The following AK5 variants were observed in gnomAD, a reference collection of about 807,000 sequenced individuals.
The protein encoded by AK5 is adenylate kinase 5.
Under a neutral mutation model 69.5 loss-of-function variants are expected in AK5, and 27 were observed. That is an observed-to-expected ratio of 0.39 (90% CI 0.29 to 0.54). AK5 has a LOEUF of 0.54. Ranked by LOEUF, AK5 falls within the 20% of genes least tolerant of loss-of-function variation. AK5 has a pLI of 0.71. For missense variants in AK5, 531 were observed against 700.4 expected (o/e 0.76, Z 2.73); for synonymous variants, 260 against 244.4 (o/e 1.06, Z -0.60).
intron 6 of AK5, among the ~76,000 whole-genome samples, chr1:77,396,907 A>G (rs1296726990): frequency 1.3e-5 from 2 of 152,226 alleles, no homozygotes; most frequent in South Asian, 2.1e-4. Flanking sequence ...ATTACCTAGC[A>G]TATATAGTAA....
intron 8 of AK5, 25 bp downstream of exon 8, chr1:77,417,740 T>C: frequency 7.2e-7 from 1 of 1,393,408 alleles, no homozygotes; most frequent in South Asian, 1.2e-5. Context: ...AAAATAGTTC[T>C]CTATTTAAAT....
intron 8 of AK5, among the ~76,000 whole-genome samples, chr1:77,447,614 A>G (rs1485860010): frequency 6.6e-6 from 1 of 152,360 alleles, no homozygotes; most frequent in East Asian, 1.9e-4. Flanking sequence ...TGGCTTCTCT[A>G]ACATCTTATT....
chr1:77,399,285 C>T lies in AK5; in HGVS notation c.892-11696C>T, dbSNP rs568474482. Among the ~76,000 whole-genome samples, 17 of 152,292 alleles carry T rather than the reference C, an allele frequency of 1.1e-4. No homozygotes were observed. In the South Asian group the frequency reaches 3.5e-3, roughly 32 times the overall value. ...TAGACAATCGGCCACTGCAGCCACC[C>T]TCCCTTCAGCTAAAGAATTGTTCCG... On this transcript the variant is annotated intron_variant, in intron 6 of 13. Coordinates refer to ENST00000354567, the MANE Select transcript of AK5 (RefSeq NM_174858.3).
chr1:77,379,904 G>T (rs186558433), intron 6 of AK5, among the ~76,000 whole-genome samples: 1 of 152,238 alleles, frequency 6.6e-6, no homozygotes, highest in East Asian at 1.9e-4. Context: ...AGCCAATGGG[G>T]TCTAAAACAT....
At chr1:77,486,675 T>A (rs1023320523) in intron 10 of AK5, among the ~76,000 whole-genome samples, 2 of 148,208 alleles carry the variant, frequency 1.3e-5, no homozygotes, top group Admixed American at 1.4e-4. Context: ...TCCACCTGGG[T>A]GACAGAGCAA....
intron 8 of AK5, among the ~76,000 whole-genome samples, chr1:77,441,849 T>G (rs1652347742): frequency 1.3e-5 from 2 of 151,932 alleles, no homozygotes; most frequent in Non-Finnish European, 1.5e-5. Context: ...ATTGTGACAC[T>G]TGGGTATTGG....
chr1:77,479,546 TC>T (rs1259121151), intron 8 of AK5, among the ~76,000 whole-genome samples: 1 of 152,154 alleles, frequency 6.6e-6, no homozygotes, highest in African/African-American at 2.4e-5. Flanking sequence ...CTGCAGCTTC[TC>T]CCACCTTAAC....
At chr1:77,503,177 G>A (rs1656826416) in intron 10 of AK5, among the ~76,000 whole-genome samples, 1 of 152,194 alleles carries the variant, frequency 6.6e-6, no homozygotes, top group Non-Finnish European at 1.5e-5. Flanking sequence ...ATTGCTGAGA[G>A]TTAACATTGT....
At chr1:77,514,620 C>T (rs1167909739) in intron 10 of AK5, among the ~76,000 whole-genome samples, 2 of 152,144 alleles carry the variant, frequency 1.3e-5, no homozygotes, top group Non-Finnish European at 2.9e-5. Flanking sequence ...CGCCATTTGG[C>T]CAAAGAATGC....
rs767860288 is a variant in AK5 at position 77,340,328 on chromosome 1, C to T, written c.700-49C>T. 8.5e-6 allele frequency: 13 copies of T among 1,530,312 alleles called. No individual in the cohort carries two copies. The Admixed American group carries it at 1.6e-4, about 19-fold the overall frequency. The allele number at this position is 1,530,312 out of a possible 1,614,324, so 94.8% of individuals were successfully genotyped here. On this transcript the variant is annotated intron_variant, in intron 5 of 13. Transcript: ENST00000354567. ...AAATGAATGCAGCTGCCCACACATG[C>T]ATTAGTTGGTATGTTGAATGCCTCT...
intron 6 of AK5, among the ~76,000 whole-genome samples, chr1:77,396,988 C>T (rs1648875901): frequency 6.6e-6 from 1 of 152,214 alleles, no homozygotes; most frequent in African/African-American, 2.4e-5. Context: ...CCCATCACAG[C>T]ACCCACTCAC....
Position 77,558,741 on chromosome 1 carries a change from T to C in AK5, c.*71T>C. The stretch of plus-strand genomic sequence containing the variant: ...AAAGTTCATTCCTTAACACAATGTT[T>C]CAAGTTAAACCTTTTGTGTCACCGC... On this transcript the variant is annotated 3_prime_UTR_variant, in exon 14 of 14. Coordinates refer to ENST00000354567, the MANE Select transcript of AK5 (RefSeq NM_174858.3). The C allele has an allele frequency of 5.2e-6, 6 of 1,154,474 alleles. No homozygotes were observed. The highest frequency in any genetic ancestry group is 3.0e-5 in the African/African-American group (2 of 67,070). The allele number at this position is 1,154,474 out of a possible 1,614,324, so 71.5% of individuals were successfully genotyped here.
rs34026852 is a variant in AK5 at position 77,548,898 on chromosome 1, C to CTT, written c.1621-9684_1621-9683dup. ...CTATTTCCTGTTCACTTGCTTTTAGCTTTTTTTTTTTTTTTTTTTTTGAGA... is the reference window on the plus strand; with the variant it reads ...CTATTTCCTGTTCACTTGCTTTTAGCTTTTTTTTTTTTTTTTTTTTTTTGAGA... On this transcript the variant is annotated intron_variant, in intron 13 of 13. Transcript: ENST00000354567. Among the ~76,000 whole-genome samples the CTT allele has an allele frequency of 2.6e-3, 231 of 87,886 alleles. 3 individuals carry two copies. The highest frequency in any genetic ancestry group is 7.2e-3 in the African/African-American group (176 of 24,534). The allele number at this position is 87,886 out of a possible 152,430, so 57.7% of individuals were successfully genotyped here.
intron 13 of AK5, among the ~76,000 whole-genome samples, chr1:77,551,221 C>T (rs1054301839): frequency 2.3e-5 from 2 of 85,224 alleles, no homozygotes; most frequent in African/African-American, 6.9e-5. Flanking sequence ...CCAGGCCTTT[C>T]CCAACACACA....
chr1:77,499,770 C>A (rs1010847739), intron 10 of AK5, among the ~76,000 whole-genome samples: 5 of 151,572 alleles, frequency 3.3e-5, no homozygotes, highest in African/African-American at 1.2e-4. Flanking sequence ...CCTTGGGAAC[C>A]TCTTCAGAGG....
intron 8 of AK5, among the ~76,000 whole-genome samples, chr1:77,480,810 G>A (rs1655207159): frequency 6.6e-6 from 1 of 152,208 alleles, no homozygotes; most frequent in South Asian, 2.1e-4. Flanking sequence ...AATTCCCTGA[G>A]AATTTGGGAA....
At chr1:77,497,099 C>A (rs1053108478) in intron 10 of AK5, among the ~76,000 whole-genome samples, 1 of 152,210 alleles carries the variant, frequency 6.6e-6, no homozygotes, top group African/African-American at 2.4e-5. Context: ...TCTGCACTGC[C>A]TTTATGAGCT....
At chr1:77,393,815 T>C (rs763192040) in intron 6 of AK5, among the ~76,000 whole-genome samples, 1 of 152,168 alleles carries the variant, frequency 6.6e-6, no homozygotes, top group Non-Finnish European at 1.5e-5. Context: ...GTGGTCTACC[T>C]CTCCACCTCA....
At chr1:77,485,772 A>G (rs915447137) in intron 9 of AK5, among the ~76,000 whole-genome samples, 1 of 152,140 alleles carries the variant, frequency 6.6e-6, no homozygotes, top group African/African-American at 2.4e-5. Flanking sequence ...TTTGCCACCA[A>G]AAGTTGATCG....
Sources: allele counts gnomAD v4.1 joint callset (sites outside exome capture counted in the v4.1 genomes callset), GRCh38; gene constraint gnomAD v4.1.1; transcripts MANE v1.5; gene names NCBI Gene and HGNC (gene_info 2026-07-23, HGNC 2026-07-21).